The following LRMDA variants were observed in gnomAD, a reference collection of about 807,000 sequenced individuals.
The protein encoded by LRMDA is leucine-rich melanocyte differentiation-associated protein.
A neutral mutation model predicts 29.8 loss-of-function variants in LRMDA; 18 were observed. The observed-to-expected ratio is 0.60, with a 90% CI of 0.42 to 0.90. The LOEUF (loss-of-function observed/expected upper bound fraction) is 0.90. Ranked by LOEUF, LRMDA falls within the 40% of genes least tolerant of loss-of-function variation. The pLI is 0.00. For missense variants in LRMDA, 273 were observed against 273.9 expected, an observed-to-expected ratio of 1.00 and a Z score of 0.02; for synonymous variants, 125 against 109.4, an observed-to-expected ratio of 1.14 and a Z score of -0.89.
chr10:75,700,100 G>T (rs544905407), intron 2 of LRMDA, among the ~76,000 whole-genome samples: 1 of 152,244 alleles, frequency 6.6e-6, no homozygotes, highest in South Asian at 2.1e-4. Context: ...CTGAATCAGA[G>T]AATAAATTTC....
intron 6 of LRMDA, among the ~76,000 whole-genome samples, chr10:76,443,970 T>A (rs1842328839): frequency 6.6e-6 from 1 of 152,104 alleles, no homozygotes; most frequent in South Asian, 2.1e-4. Flanking sequence ...TCTACTTGGA[T>A]GAAAGAAAGC....
intron 5 of LRMDA, among the ~76,000 whole-genome samples, chr10:76,206,746 A>G (rs1259032298): frequency 6.6e-6 from 1 of 152,128 alleles, no homozygotes; most frequent in East Asian, 1.9e-4. Context: ...ACTATCCAGT[A>G]ACCACTTTCC....
intron 6 of LRMDA, among the ~76,000 whole-genome samples, chr10:76,457,676 C>T (rs773722658): frequency 1.3e-5 from 2 of 151,972 alleles, no homozygotes; most frequent in Non-Finnish European, 2.9e-5. Context: ...GCCATAAGTT[C>T]GACATTAATG....
chr10:76,178,614 A>T (rs1850984993), intron 5 of LRMDA, among the ~76,000 whole-genome samples: 1 of 152,094 alleles, frequency 6.6e-6, no homozygotes, highest in Admixed American at 6.5e-5. Flanking sequence ...AATAGGAGAA[A>T]CTTCCCTACT....
chr10:76,141,047 C>T (rs567984430), intron 5 of LRMDA, among the ~76,000 whole-genome samples: 20 of 152,182 alleles, frequency 1.3e-4, no homozygotes, highest in African/African-American at 4.8e-4. Context: ...CCATCTGGTC[C>T]TTCTTTGAGT....
intron 2 of LRMDA, among the ~76,000 whole-genome samples, chr10:75,706,843 C>T (rs182006687): frequency 4.7e-4 from 71 of 151,368 alleles, no homozygotes; most frequent in Non-Finnish European, 8.5e-4. Flanking sequence ...CCCTGCCATG[C>T]ACCCTTTGTC....
At chr10:76,085,020 C>T (rs1020071873) in intron 5 of LRMDA, among the ~76,000 whole-genome samples, 8 of 152,126 alleles carry the variant, frequency 5.3e-5, no homozygotes, top group African/African-American at 1.9e-4. Flanking sequence ...GAGAGAGATG[C>T]GGGATGGGAT....
chr10:75,904,569 T>A (rs1480943159), intron 2 of LRMDA, among the ~76,000 whole-genome samples: 1 of 152,210 alleles, frequency 6.6e-6, no homozygotes, highest in Non-Finnish European at 1.5e-5. Context: ...CTTCATTCGC[T>A]GCCACACTAA....
chr10:76,069,451 C>T (rs943020461), intron 5 of LRMDA, among the ~76,000 whole-genome samples: 21 of 152,198 alleles, frequency 1.4e-4, no homozygotes, highest in Admixed American at 1.0e-3. Flanking sequence ...CAATTACGTG[C>T]AGCCTTTTCA....
intron 2 of LRMDA, among the ~76,000 whole-genome samples, chr10:75,980,108 C>T (rs753432629): frequency 6.6e-6 from 1 of 152,186 alleles, no homozygotes; most frequent in Non-Finnish European, 1.5e-5. Context: ...CTCTCACTCT[C>T]AACATGGACT....
intron 2 of LRMDA, among the ~76,000 whole-genome samples, chr10:75,770,536 T>C (rs1245946056): frequency 6.6e-6 from 1 of 152,258 alleles, no homozygotes; most frequent in Non-Finnish European, 1.5e-5. Flanking sequence ...AGCAGTTCTT[T>C]TCCCAGAGGC....
intron 5 of LRMDA, among the ~76,000 whole-genome samples, chr10:76,243,973 C>A (rs1193538572): frequency 3.9e-5 from 6 of 152,052 alleles, no homozygotes; most frequent in Non-Finnish European, 7.4e-5. Context: ...GGAATAGACA[C>A]CCAGAGGAGA....
rs2304412 is a variant in LRMDA at position 76,047,047 on chromosome 10, G to T, written c.259-117G>T. On this transcript the variant is annotated intron_variant, in intron 3 of 6. Coordinates refer to ENST00000611255, the MANE Select transcript of LRMDA (RefSeq NM_001305581.2). The stretch of plus-strand genomic sequence containing the variant: ...TATACCCACAGCTGAATTGATTTCA[G>T]CCCCCACCCTGAGGTCTCACAGGAG... 8,659 of 1,112,580 alleles carry T rather than the reference G, an allele frequency of 7.8e-3. 379 individuals carry two copies. In the East Asian group the frequency reaches 0.11, roughly 14 times the overall value. The allele number at this position is 1,112,580 out of a possible 1,614,324, so 68.9% of individuals were successfully genotyped here.
intron 2 of LRMDA, among the ~76,000 whole-genome samples, chr10:75,899,374 C>A (rs573271882): frequency 2.0e-5 from 3 of 152,176 alleles, no homozygotes; most frequent in African/African-American, 4.8e-5. Flanking sequence ...CTATGAAATG[C>A]GTTAAGTTCT....
At chr10:75,544,752 C>T (rs1050315889) in intron 2 of LRMDA, among the ~76,000 whole-genome samples, 1 of 151,694 alleles carries the variant, frequency 6.6e-6, no homozygotes, top group Admixed American at 6.6e-5. Flanking sequence ...TAAGGAGAAA[C>T]AATCGAAATG....
chr10:75,447,009 G>A (rs1844403788), intron 2 of LRMDA, among the ~76,000 whole-genome samples: 1 of 152,224 alleles, frequency 6.6e-6, no homozygotes, highest in Non-Finnish European at 1.5e-5. Flanking sequence ...TTGGGGTAGG[G>A]GAGGCAACAG....
intron 2 of LRMDA, among the ~76,000 whole-genome samples, chr10:75,933,156 C>T (rs1846232549): frequency 6.6e-6 from 1 of 152,052 alleles, no homozygotes; most frequent in East Asian, 1.9e-4. Context: ...GGACAGGAAC[C>T]TTATCTGAGC....
At chr10:76,247,354 T>C (rs1248798358) in intron 5 of LRMDA, among the ~76,000 whole-genome samples, 1 of 152,148 alleles carries the variant, frequency 6.6e-6, no homozygotes, top group African/African-American at 2.4e-5. Flanking sequence ...ATCCTTAACA[T>C]TGGGCGAGGT....
intron 5 of LRMDA, among the ~76,000 whole-genome samples, chr10:76,305,676 AT>A (rs1840545653): frequency 6.6e-6 from 1 of 152,236 alleles, no homozygotes; most frequent in African/African-American, 2.4e-5. Flanking sequence ...TGCACAGGAC[AT>A]CAGACTTACT....
Sources: allele counts gnomAD v4.1 joint callset (sites outside exome capture counted in the v4.1 genomes callset), GRCh38; gene constraint gnomAD v4.1.1; transcripts MANE v1.5; gene names NCBI Gene and HGNC (gene_info 2026-07-23, HGNC 2026-07-21).